SCD5: variants seen among roughly 807,000 people sequenced by gnomAD.
The protein encoded by SCD5 is stearoyl-CoA desaturase 5.
Under a neutral mutation model 30.4 loss-of-function variants are expected in SCD5, and 20 were observed. The ratio of observed to expected loss-of-function variants is 0.66; its 90% CI spans 0.46 to 0.96. The LOEUF (loss-of-function observed/expected upper bound fraction) is 0.96, where lower values mean the gene tolerates loss of function less well. Ranked by LOEUF, SCD5 falls within the 40% of genes least tolerant of loss-of-function variation. SCD5 has a pLI of 0.00. For missense variants in SCD5, 381 were observed against 443.3 expected (o/e 0.86, Z 1.26); for synonymous variants, 173 against 176.4 (o/e 0.98, Z 0.16).
intron 2 of SCD5, among the ~76,000 whole-genome samples, chr4:82,696,817 G>C (rs549930250): frequency 3.3e-5 from 5 of 152,206 alleles, no homozygotes; most frequent in Non-Finnish European, 5.9e-5. Flanking sequence ...CATCCCACAT[G>C]GCTGGTGACA....
At chr4:82,727,569 T>C (rs1007053038) in intron 1 of SCD5, among the ~76,000 whole-genome samples, 6 of 152,186 alleles carry the variant, frequency 3.9e-5, no homozygotes, top group Non-Finnish European at 1.5e-5. Context: ...GAAGCAATGG[T>C]CTTTCTCCTT....
Position 82,748,851 on chromosome 4 carries a change from CA to C in SCD5, c.233-43439del, listed in dbSNP as rs1178750838. Among the ~76,000 whole-genome samples, 48 of 152,202 alleles carry C rather than the reference CA, an allele frequency of 3.2e-4. 2 individuals are homozygous for C. The highest frequency in any genetic ancestry group is 3.1e-3 in the Admixed American group (48 of 15,274). ...AGTGGAAAAGGCCAGGGGAAAGAGA[CA>C]GCAGTGGCTCTATCTTCGTCACCAC... On this transcript the variant is annotated intron_variant, in intron 1 of 4. Transcript: ENST00000319540.
intron 1 of SCD5, chr4:82,753,237 A>T (rs1284085700): frequency 1.1e-5 from 5 of 443,830 alleles, no homozygotes; most frequent in Non-Finnish European, 9.4e-6. Context: ...TTTTACAGCC[A>T]CCCAAGCCTC....
intron 1 of SCD5, among the ~76,000 whole-genome samples, chr4:82,783,497 G>A (rs1721922627): frequency 6.6e-6 from 1 of 152,104 alleles, no homozygotes; most frequent in South Asian, 2.1e-4. Flanking sequence ...TACTCAGGAA[G>A]GCCAGATTTA....
At chr4:82,645,834 G>A (rs1727624804) in intron 3 of SCD5, among the ~76,000 whole-genome samples, 1 of 152,224 alleles carries the variant, frequency 6.6e-6, no homozygotes. Flanking sequence ...GGAGAAGAAA[G>A]GATTTGGGAT....
intron 1 of SCD5, among the ~76,000 whole-genome samples, chr4:82,749,521 T>G (rs1476004318): frequency 6.6e-6 from 1 of 152,214 alleles, no homozygotes; most frequent in Non-Finnish European, 1.5e-5. Context: ...CTTTACTATT[T>G]AAGAAAGTAA....
At chr4:82,789,301 C>T (rs866851876) in intron 1 of SCD5, among the ~76,000 whole-genome samples, 6 of 152,244 alleles carry the variant, frequency 3.9e-5, no homozygotes, top group Admixed American at 6.5e-5. Context: ...CTAAAATAAG[C>T]TACAAGGAGT....
In SCD5 at chr4:82,636,770, G is replaced by A. The variant is rs753485693; in HGVS notation, c.623C>T (p.Pro208Leu). Residue 208 changes from proline to leucine, a missense_variant, in exon 4 of 5, where the codon CCC (proline) becomes CTC (leucine). By Grantham distance (98) the Pro-to-Leu change is moderately conservative. Coordinates refer to ENST00000319540, the MANE Select transcript of SCD5 (RefSeq NM_001037582.3). ...LMCFVVPTLV[P>L]WYIWGESLWN... Reference sequence around the variant, plus strand: ...CAGACTCTCTCCCCAGATGTACCAGGGCACCAGCGTGGGGACCACAAAGCA... The same window carrying A: ...CAGACTCTCTCCCCAGATGTACCAGAGCACCAGCGTGGGGACCACAAAGCA... The A allele has an allele frequency of 1.5e-5, 25 of 1,614,060 alleles. No individual in the cohort carries two copies. Among genetic ancestry groups the A allele is most frequent in the Non-Finnish European group, 2.0e-5 (24 of 1,180,038 alleles).
intron 3 of SCD5, among the ~76,000 whole-genome samples, chr4:82,666,914 A>C (rs1728202293): frequency 1.3e-5 from 2 of 152,236 alleles, no homozygotes; most frequent in Admixed American, 1.3e-4. Context: ...GTGTGTAAAG[A>C]CATAATGCAG....
chr4:82,662,218 A>G (rs1227047421), intron 3 of SCD5, among the ~76,000 whole-genome samples: 1 of 152,090 alleles, frequency 6.6e-6, no homozygotes, highest in Non-Finnish European at 1.5e-5. Flanking sequence ...CATCGTGCTC[A>G]GCTAATTTTC....
At chr4:82,681,260 C>G (rs909730747) in intron 2 of SCD5, among the ~76,000 whole-genome samples, 12 of 152,094 alleles carry the variant, frequency 7.9e-5, no homozygotes, top group African/African-American at 2.7e-4. Flanking sequence ...AAAAAGAGAT[C>G]TTTTTTGTGG....
chr4:82,718,080 T>TAG (rs145494609), intron 1 of SCD5, among the ~76,000 whole-genome samples: 1 of 138,984 alleles, frequency 7.2e-6, no homozygotes, highest in Admixed American at 7.2e-5. Context: ...ACCTTTTTTT[T>TAG]TTAAAAAAAA....
chr4:82,684,717 C>G (rs566809464), intron 2 of SCD5, among the ~76,000 whole-genome samples: 1 of 152,302 alleles, frequency 6.6e-6, no homozygotes, highest in South Asian at 2.1e-4. Flanking sequence ...ATCAACTGTA[C>G]TGGAAGCCAT....
intron 1 of SCD5, among the ~76,000 whole-genome samples, chr4:82,754,030 C>A (rs888220398): frequency 2.7e-4 from 41 of 152,134 alleles, no homozygotes; most frequent in African/African-American, 9.9e-4. Context: ...ATAACGCAGT[C>A]TCTTGTCAAG....
At chr4:82,694,297 C>T (rs372981941) in intron 2 of SCD5, among the ~76,000 whole-genome samples, 68 of 152,284 alleles carry the variant, frequency 4.5e-4, no homozygotes, top group African/African-American at 1.5e-3. Flanking sequence ...TGCTTGCCCA[C>T]GGTTCCCACA....
intron 1 of SCD5, among the ~76,000 whole-genome samples, chr4:82,785,257 C>T (rs1188750437): frequency 6.6e-6 from 1 of 152,204 alleles, no homozygotes; most frequent in Non-Finnish European, 1.5e-5. Context: ...TCTCTGCCCT[C>T]CCCTTATTTG....
chr4:82,641,118 G>T (rs1025098845), intron 3 of SCD5, among the ~76,000 whole-genome samples: 19 of 152,030 alleles, frequency 1.2e-4, no homozygotes, highest in African/African-American at 4.3e-4. Context: ...GGCCGGGCGT[G>T]GTGGCTCATG....
intron 2 of SCD5, among the ~76,000 whole-genome samples, chr4:82,697,358 G>A (rs573397833): frequency 6.6e-6 from 1 of 152,082 alleles, no homozygotes; most frequent in East Asian, 1.9e-4. Flanking sequence ...AAATCTAATC[G>A]CCTTAAAGTG....
intron 3 of SCD5, among the ~76,000 whole-genome samples, chr4:82,668,071 G>A (rs1170850292): frequency 1.3e-5 from 2 of 152,186 alleles, no homozygotes; most frequent in Non-Finnish European, 2.9e-5. Context: ...AAAGAGTCTT[G>A]CTGAGCAATA....
Sources: gnomAD v4.1 joint callset for allele counts (sites outside exome capture counted in the v4.1 genomes callset) on GRCh38, gnomAD v4.1.1 for gene constraint, MANE v1.5 for transcripts, NCBI Gene and HGNC (gene_info 2026-07-23, HGNC 2026-07-21) for gene names.